DIP2C: variants seen among roughly 807,000 people sequenced by gnomAD.
The protein encoded by DIP2C is disco-interacting protein 2 homolog C.
DIP2C carries 33 observed loss-of-function variants against 192.4 expected under a neutral mutation model. The ratio of observed to expected loss-of-function variants is 0.17; its 90% CI spans 0.13 to 0.23. DIP2C has a LOEUF of 0.23. DIP2C is among the 10% of genes least tolerant of loss of function. The pLI, the probability that DIP2C is intolerant of heterozygous loss-of-function variation, is 1.00. For missense variants in DIP2C, 1,537 were observed against 2,110.1 expected (o/e 0.73, Z 5.32); for synonymous variants, 979 against 864.1 (o/e 1.13, Z -2.33).
intron 1 of DIP2C, among the ~76,000 whole-genome samples, chr10:526,151 G>A (rs753162613): frequency 6.6e-5 from 10 of 152,262 alleles, no homozygotes; most frequent in Middle Eastern, 3.4e-3. Flanking sequence ...AGGACCGACC[G>A]GGGCTCACAT....
rs186860725 is a variant in DIP2C, at chr10:416,489, C to T, written c.740-601G>A. On this transcript the variant is annotated intron_variant, in intron 6 of 36. Coordinates refer to ENST00000280886, the MANE Select transcript of DIP2C (RefSeq NM_014974.3). ...GCTCCTCACACGCGTTCCAAACCCA[C>T]GCAGCTCAGCCCACACACAGGCAAT... is the stretch of plus-strand genomic sequence containing the variant. 5.9e-5 allele frequency among the ~76,000 whole-genome samples: 9 copies of T among 152,266 alleles called. No individual in the cohort carries two copies. In the East Asian group the frequency reaches 9.6e-4, roughly 16 times the overall value.
At position 364,857 on chromosome 10, in the gene DIP2C, C is replaced by T. The variant is rs547370427; in HGVS notation, c.2269-275G>A. ...CTCTGAACCCTGAACAGATAACACCCAGAAGTCTCACAGGAGGCCAATCAG... is the reference window on the plus strand; with the variant it reads ...CTCTGAACCCTGAACAGATAACACCTAGAAGTCTCACAGGAGGCCAATCAG... On this transcript the variant is annotated intron_variant, in intron 19 of 36. Transcript: ENST00000280886. 756 of 632,406 alleles carry T rather than the reference C, an allele frequency of 1.2e-3. 11 individuals carry two copies. The highest frequency in any genetic ancestry group is 0.01 in the Middle Eastern group (34 of 3,354). 39.2% of individuals were successfully genotyped at this position (632,406 alleles called of 1,614,324 possible). A position where few individuals can be genotyped will look rare whatever the true frequency, so the allele number is the denominator to read the frequency against.
At chr10:579,453 C>T (rs1564223069) in intron 1 of DIP2C, among the ~76,000 whole-genome samples, 1 of 151,680 alleles carries the variant, frequency 6.6e-6, no homozygotes, top group African/African-American at 2.4e-5. Flanking sequence ...TGTGTACATG[C>T]ATAGAGCGTA....
Position 651,724 on chromosome 10 carries a change from G to A in DIP2C, c.85+37770C>T, listed in dbSNP as rs1855919747. On this transcript the variant is annotated intron_variant, in intron 1 of 36. Transcript: ENST00000280886. The surrounding 1 kb of genome is among the most constrained non-coding windows in gnomAD (Gnocchi z 4.1). ...TTGCTAAATGGTGCCCTTAGCACAG[G>A]AGTCTCTCCAAGGAAGTGGCCTGAG... 2.9e-6 allele frequency: 1 copy of A among 340,036 alleles called. No individual in the cohort carries two copies. The highest frequency in any genetic ancestry group is 2.3e-5 in the South Asian group (1 of 42,718). The allele number at this position is 340,036 out of a possible 1,614,324, so 21.1% of individuals were successfully genotyped here.
chr10:288,333 A>G, intron 33 of DIP2C, 31 bp downstream of exon 33: 1 of 1,606,220 alleles, frequency 6.2e-7, no homozygotes, highest in South Asian at 1.1e-5. Flanking sequence ...GAACGGATAC[A>G]GAAATGCGTG....
chr10:345,563 A>AC (rs1197488099), intron 26 of DIP2C, among the ~76,000 whole-genome samples: 2 of 75,556 alleles, frequency 2.6e-5, no homozygotes, highest in African/African-American at 5.5e-5. Context: ...AACCCCCCAC[A>AC]CCCCCAACCC....
chr10:367,253 T>TA (rs1201367460), intron 18 of DIP2C, among the ~76,000 whole-genome samples: 4 of 151,958 alleles, frequency 2.6e-5, no homozygotes, highest in African/African-American at 7.2e-5. Context: ...CCGTCTCTAC[T>TA]AAAAATACAA....
intron 3 of DIP2C, among the ~76,000 whole-genome samples, chr10:456,953 T>C (rs1394619317): frequency 6.6e-6 from 1 of 152,256 alleles, no homozygotes; most frequent in Non-Finnish European, 1.5e-5. Context: ...TCCAGGCTAT[T>C]GATGGGCCCA....
rs138738886 is a variant in DIP2C, at chr10:460,591, A to T, written c.268+11848T>A. On this transcript the variant is annotated intron_variant, in intron 3 of 36. Coordinates refer to ENST00000280886, the MANE Select transcript of DIP2C (RefSeq NM_014974.3). ...AATTATTTCTGGGCTGCTAAAATTC[A>T]GTCATTGATGGGGAGAATGGAACAA... 1.4e-3 allele frequency among the ~76,000 whole-genome samples: 208 copies of T among 152,232 alleles called. 1 individual carries two copies. Among genetic ancestry groups the T allele is most frequent in the African/African-American group, 4.6e-3 (192 of 41,566 alleles).
intron 3 of DIP2C, among the ~76,000 whole-genome samples, chr10:465,689 G>C (rs1044939211): frequency 1.1e-4 from 17 of 151,978 alleles, no homozygotes; most frequent in African/African-American, 3.6e-4. Context: ...CTTCAGCAAA[G>C]TCTCAGGATA....
chr10:571,533 C>CTCA (rs1197397429), intron 1 of DIP2C, among the ~76,000 whole-genome samples: 58 of 152,134 alleles, frequency 3.8e-4, no homozygotes, highest in Admixed American at 1.6e-3. Flanking sequence ...CTCTCCCTCC[C>CTCA]TCATCTCCTT....
intron 3 of DIP2C, 92 bp downstream of exon 3, chr10:472,347 C>T (rs1970698573): frequency 8.1e-7 from 1 of 1,228,332 alleles, no homozygotes; most frequent in Non-Finnish European, 1.2e-6. Flanking sequence ...TCCACGCCCA[C>T]TGCACTTCTG....
At chr10:398,802 TTA>T (rs1491295522) in intron 10 of DIP2C, among the ~76,000 whole-genome samples, 3 of 7,780 alleles carry the variant, frequency 3.9e-4, no homozygotes, top group East Asian at 5.6e-3. Context: ...AAAATAATAA[TTA>T]AAAAAAAACT....
At chr10:599,596 C>CTGAAAAGG (rs1316111127) in intron 1 of DIP2C, among the ~76,000 whole-genome samples, 1 of 152,166 alleles carries the variant, frequency 6.6e-6, no homozygotes, top group African/African-American at 2.4e-5. Context: ...ACATGTTAAC[C>CTGAAAAGG]TGAAAAGGGC....
intron 10 of DIP2C, among the ~76,000 whole-genome samples, chr10:396,478 A>G (rs1165573335): frequency 6.6e-6 from 1 of 152,238 alleles, no homozygotes; most frequent in Non-Finnish European, 1.5e-5. Context: ...ACGAATAACA[A>G]TGATAAATGT....
At chr10:512,506 C>A (rs577086309) in intron 1 of DIP2C, among the ~76,000 whole-genome samples, 11 of 151,916 alleles carry the variant, frequency 7.2e-5, no homozygotes, top group South Asian at 2.1e-4. Flanking sequence ...GAGGTGATCA[C>A]CCAGGAGGTG....
Position 390,878 on chromosome 10 carries a change from G to A in DIP2C, c.1261-15C>T. 6.2e-7 allele frequency: 1 copy of A among 1,613,178 alleles called. No homozygotes were observed. The highest frequency in any genetic ancestry group is 8.5e-7 in the Non-Finnish European group (1 of 1,179,606). ...CTCCCTGCGTCCTGAGAGGGCAACA[G>A]AGAGGAGTTGAGAATCCACGACCTG... On this transcript the variant is annotated splice_polypyrimidine_tract_variant and intron_variant, in intron 10 of 36. Transcript: ENST00000280886.
At chr10:670,250 AC>A (rs556075370) in intron 1 of DIP2C, among the ~76,000 whole-genome samples, 198 of 152,234 alleles carry the variant, frequency 1.3e-3, no homozygotes, top group African/African-American at 4.1e-3. Flanking sequence ...ATATGCACAC[AC>A]GTACATGCAC....
At chr10:471,733 CATT>C (rs1160423145) in intron 3 of DIP2C, among the ~76,000 whole-genome samples, 3 of 152,174 alleles carry the variant, frequency 2.0e-5, no homozygotes, top group African/African-American at 7.2e-5. Context: ...ATAATTCAAA[CATT>C]AATCACAGCC....
Sources: allele counts gnomAD v4.1 joint callset (sites outside exome capture counted in the v4.1 genomes callset), GRCh38; gene constraint gnomAD v4.1.1; non-coding constraint Gnocchi (gnomAD v3.1); transcripts MANE v1.5; gene names NCBI Gene and HGNC (gene_info 2026-07-23, HGNC 2026-07-21).